The following CREBBP variants were observed in gnomAD, a reference collection of about 807,000 sequenced individuals.
CREBBP encodes CREB-binding protein.
A neutral mutation model predicts 265.0 loss-of-function variants in CREBBP; 19 were observed. The ratio of observed to expected loss-of-function variants is 0.07; its 90% CI spans 0.05 to 0.11. The LOEUF (loss-of-function observed/expected upper bound fraction) is 0.11, where lower values mean the gene tolerates loss of function less well. CREBBP is among the 10% of genes least tolerant of loss of function. CREBBP has a pLI of 1.00. For synonymous variants in CREBBP, 1,457 were observed against 1,223.7 expected (o/e 1.19, Z -3.98); for missense variants, 2,525 against 3,219.0 (o/e 0.78, Z 5.22).
chr16:3,746,672 T>C (rs913333729), intron 21 of CREBBP, among the ~76,000 whole-genome samples: 2 of 152,150 alleles, frequency 1.3e-5, no homozygotes, highest in African/African-American at 4.8e-5. Flanking sequence ...TGGGGACAGG[T>C]GCAGTGGCTC....
intron 1 of CREBBP, among the ~76,000 whole-genome samples, chr16:3,872,901 C>A (rs1373232406): frequency 6.6e-6 from 1 of 152,254 alleles, no homozygotes; most frequent in Non-Finnish European, 1.5e-5. Context: ...CATCCCAGGG[C>A]CTGCCTCCCA....
intron 26 of CREBBP, among the ~76,000 whole-genome samples, 178 bp downstream of exon 26, chr16:3,738,381 G>GCCAGA (rs1255866687): frequency 2.0e-5 from 3 of 148,740 alleles, no homozygotes; most frequent in Non-Finnish European, 4.5e-5. Flanking sequence ...GTGCCCAGGA[G>GCCAGA]CCAGACCTGT....
chr16:3,807,923 T>C lies in CREBBP; in HGVS notation c.975+2680A>G, dbSNP rs572185473. On this transcript the variant is annotated intron_variant, in intron 3 of 30. Transcript: ENST00000262367. ...GCACAGCCCCATCTGATCTGTGCCC[T>C]CCAGGGTCAGTGGTGTCATTCAGTT... is the stretch of plus-strand genomic sequence containing the variant. 9.9e-5 allele frequency among the ~76,000 whole-genome samples: 15 copies of C among 152,264 alleles called. No homozygotes were observed. In the East Asian group the frequency reaches 2.7e-3, roughly 27 times the overall value.
chr16:3,855,959 C>A (rs186249760), intron 1 of CREBBP, among the ~76,000 whole-genome samples: 185 of 152,326 alleles, frequency 1.2e-3, no homozygotes, highest in African/African-American at 2.3e-3. Context: ...TTTTGTCCAA[C>A]CCAAATGATA....
In CREBBP at chr16:3,758,184, G is replaced by A. The variant is rs1033998102; in HGVS notation, c.3370-136C>T. ...TTCCATTCCCAACAGTAAGAAATAG[G>A]AAATGAAAAGAAAATAACCTCTGAC... On this transcript the variant is annotated intron_variant, in intron 17 of 30. Coordinates refer to ENST00000262367, the MANE Select transcript of CREBBP (RefSeq NM_004380.3). 6.6e-6 allele frequency: 6 copies of A among 903,012 alleles called. No individual in the cohort carries two copies. The South Asian group carries it at 9.7e-5, about 15-fold the overall frequency. 55.9% of individuals were successfully genotyped at this position (903,012 alleles called of 1,614,324 possible).
intron 3 of CREBBP, among the ~76,000 whole-genome samples, chr16:3,799,635 A>G (rs1442296647): frequency 1.3e-5 from 2 of 152,264 alleles, no homozygotes; most frequent in Non-Finnish European, 1.5e-5. Flanking sequence ...CTGATTAAAT[A>G]TTGAAAACTG....
At chr16:3,857,342 T>G (rs1213975239) in intron 1 of CREBBP, among the ~76,000 whole-genome samples, 1 of 152,148 alleles carries the variant, frequency 6.6e-6, no homozygotes, top group Non-Finnish European at 1.5e-5. Context: ...TAATTCACCA[T>G]ATGAATATGT....
intron 2 of CREBBP, among the ~76,000 whole-genome samples, chr16:3,847,997 C>T (rs924328043): frequency 6.6e-6 from 1 of 151,914 alleles, no homozygotes; most frequent in Non-Finnish European, 1.5e-5. Context: ...GGTGAAACTC[C>T]GTCTCTAATA....
At position 3,731,968 on chromosome 16, in the gene CREBBP, G is replaced by C. The variant is rs1350335706; in HGVS notation, c.4729-31C>G. 9 of 1,614,052 alleles carry C rather than the reference G, an allele frequency of 5.6e-6. No homozygotes were observed. The highest frequency in any genetic ancestry group is 7.6e-6 in the Non-Finnish European group (9 of 1,180,032). On this transcript the variant is annotated intron_variant, in intron 28 of 30. Transcript: ENST00000262367. The surrounding 1 kb of genome is among the most constrained non-coding windows in gnomAD (Gnocchi z 7.7). ...ACAACACGCAAGGCTGTGAGACCAG[G>C]CAAGTGCCCCTCCACACTTGGCACG...
chr16:3,766,306 A>T (rs2052851188), intron 16 of CREBBP, among the ~76,000 whole-genome samples: 2 of 152,260 alleles, frequency 1.3e-5, no homozygotes, highest in African/African-American at 4.8e-5. Flanking sequence ...ATCAGCTGAA[A>T]GGGCTACGAA....
In CREBBP at chr16:3,731,094, T is replaced by C. The variant is rs533921611; in HGVS notation, c.5172+98A>G. 7 of 1,268,440 alleles carry C rather than the reference T, an allele frequency of 5.5e-6. No individual in the cohort carries two copies. In the South Asian group the frequency reaches 7.8e-5, roughly 14 times the overall value. The allele number at this position is 1,268,440 out of a possible 1,614,324, so 78.6% of individuals were successfully genotyped here. On this transcript the variant is annotated intron_variant, in intron 30 of 30. Transcript: ENST00000262367. This position sits in a 1 kb window ranked among gnomAD's most constrained non-coding sequence, Gnocchi z 7.7. ...TCTGGAGGAGTCAGTGCAGCCACCA[T>C]CAGGTACAGACACCAACCCGGGCAC...
chr16:3,740,520 A>G lies in CREBBP; in HGVS notation c.4012T>C (p.Leu1338=), dbSNP rs2052177999. Residue 1338 remains leucine (L), a synonymous_variant, in exon 24 of 31, where the codon TTG becomes CTG. Coordinates refer to ENST00000262367, the MANE Select transcript of CREBBP (RefSeq NM_004380.3). ...RLQTTRLGNH[L]EDRVNKFLRR... is the part of the protein sequence containing the mutation. ...AAAAATTTGTTCACTCGGTCTTCCA[A>G]GTGGTTTCCCAGTCTTGTGGTCTGC... is the stretch of plus-strand genomic sequence containing the variant. 1 of 1,614,080 alleles carries G rather than the reference A, an allele frequency of 6.2e-7. No individual in the cohort carries two copies. Among genetic ancestry groups the G allele is most frequent in the Non-Finnish European group, 8.5e-7 (1 of 1,180,034 alleles).
rs2141217081 is a variant in CREBBP, at chr16:3,773,926, G to A, written c.2288C>T (p.Ala763Val). The A allele has an allele frequency of 6.2e-7, 1 of 1,612,178 alleles. No homozygotes were observed. The highest frequency in any genetic ancestry group is 8.5e-7 in the Non-Finnish European group (1 of 1,180,020). The change falls in exon 13 of 31, where the codon GCC (alanine) becomes GTC (valine). Residue 763 changes from alanine to valine, a missense_variant. Physicochemically the swap from Ala to Val is moderately conservative, Grantham distance 64. This residue lies in a region of CREBBP where 548 missense variants were observed against 533.0 expected (regional missense o/e 1.03). Coordinates refer to ENST00000262367, the MANE Select transcript of CREBBP (RefSeq NM_004380.3). ...CTGAGGCATTCGGGAAGGAGAAATGGCCATCTACGAGACAACAAGCACCAC... is the reference window on the plus strand; with the variant it reads ...CTGAGGCATTCGGGAAGGAGAAATGACCATCTACGAGACAACAAGCACCAC... ...MNSMGSVPGM[A>V]ISPSRMPQPP...
chr16:3,766,233 G>T lies in CREBBP; in HGVS notation c.3250+1487C>A, dbSNP rs1043872403. Among the ~76,000 whole-genome samples the T allele has an allele frequency of 4.6e-5, 7 of 152,112 alleles. 1 individual carries two copies. The highest frequency in any genetic ancestry group is 8.8e-5 in the Non-Finnish European group (6 of 68,030). On this transcript the variant is annotated intron_variant, in intron 16 of 30. Transcript: ENST00000262367. Reference sequence around the variant, plus strand: ...GTGCTATAGATTCTGGTTCAATGTCGCAACTAACCTTTAAGAAACCTTCAC... The same window carrying T: ...GTGCTATAGATTCTGGTTCAATGTCTCAACTAACCTTTAAGAAACCTTCAC...
chr16:3,739,032 T>G (rs1469513001), intron 25 of CREBBP, among the ~76,000 whole-genome samples: 1 of 152,210 alleles, frequency 6.6e-6, no homozygotes, highest in Non-Finnish European at 1.5e-5. Flanking sequence ...GTTTTTCTTT[T>G]GATGGTATTT....
At chr16:3,861,793 T>C (rs1288761826) in intron 1 of CREBBP, among the ~76,000 whole-genome samples, 8 of 149,052 alleles carry the variant, frequency 5.4e-5, no homozygotes, top group Non-Finnish European at 1.0e-4. Flanking sequence ...TATTAGGAAA[T>C]AATTAAAGCA....
intron 1 of CREBBP, among the ~76,000 whole-genome samples, chr16:3,863,601 C>CAAAACA (rs913187600): frequency 1.4e-4 from 22 of 152,062 alleles, no homozygotes; most frequent in Admixed American, 5.2e-4. Flanking sequence ...GATTCTGTCT[C>CAAAACA]AAAACAAAAA....
At chr16:3,768,382 A>G in intron 15 of CREBBP, among the ~76,000 whole-genome samples, 1 of 151,998 alleles carries the variant, frequency 6.6e-6, no homozygotes, top group Non-Finnish European at 1.5e-5. Flanking sequence ...CCTGACCTCA[A>G]GTGATCCACC....
At chr16:3,843,979 T>A (rs2141460201) in intron 2 of CREBBP, among the ~76,000 whole-genome samples, 1 of 150,120 alleles carries the variant, frequency 6.7e-6, no homozygotes, top group Admixed American at 6.6e-5. Flanking sequence ...AAACCCCGTC[T>A]CTACTAAAAA....
Sources: allele counts gnomAD v4.1 joint callset (sites outside exome capture counted in the v4.1 genomes callset), GRCh38; gene constraint gnomAD v4.1.1; regional missense constraint gnomAD v4.1.1; non-coding constraint Gnocchi (gnomAD v3.1); transcripts MANE v1.5; gene names NCBI Gene and HGNC (gene_info 2026-07-23, HGNC 2026-07-21).